Variants in ZNF831 observed in about 807,000 individuals in gnomAD.
ZNF831 encodes zinc finger protein 831, also known as chromosome 20 open reading frame 174.
In ZNF831, 59 loss-of-function variants were observed where a neutral mutation model predicts 95.8. That is an observed-to-expected ratio of 0.62 (90% CI 0.50 to 0.77). The LOEUF (loss-of-function observed/expected upper bound fraction) is 0.77. ZNF831 is among the 30% of genes least tolerant of loss of function. ZNF831 has a pLI of 0.00. For missense variants in ZNF831, 2,205 were observed against 2,164.0 expected, an observed-to-expected ratio of 1.02 and a Z score of -0.38; for synonymous variants, 961 against 925.5, an observed-to-expected ratio of 1.04 and a Z score of -0.70.
intron 2 of ZNF831, among the ~76,000 whole-genome samples, chr20:59,149,834 A>C (rs1167818364): frequency 6.6e-6 from 1 of 152,210 alleles, no homozygotes; most frequent in Non-Finnish European, 1.5e-5. Context: ...GGAATGTTCC[A>C]GCTGGCCGGT....
chr20:59,230,341 G>A (rs942856751), intron 4 of ZNF831, among the ~76,000 whole-genome samples: 6 of 152,156 alleles, frequency 3.9e-5, no homozygotes, highest in African/African-American at 1.2e-4. Flanking sequence ...GCATGGTGGC[G>A]GGTGCCTGTA....
chr20:59,228,483 T>C (rs1207466394), intron 4 of ZNF831, among the ~76,000 whole-genome samples: 2 of 151,790 alleles, frequency 1.3e-5, no homozygotes, highest in East Asian at 3.9e-4. Context: ...TACTTGTGAG[T>C]GATGCCATTC....
At position 59,192,422 on chromosome 20, in the gene ZNF831, G is replaced by A. The variant is rs1568754012; in HGVS notation, c.1403G>A (p.Gly468Asp). 6.2e-7 allele frequency: 1 copy of A among 1,610,480 alleles called. No homozygotes were observed. ...GAGCCAGGCCGTAGGAGGGCCCCGG[G>A]CCCCGTGCGCTCCACCTGGACGCCC... ...ALEPGRRRAP[G>D]PVRSTWTPPD... Residue 468 changes from glycine to aspartate, a missense_variant, in exon 2 of 6, where the codon GGC (glycine) becomes GAC (aspartate). Transcript: ENST00000371030. The surrounding 1 kb of genome is among the most constrained non-coding windows in gnomAD (Gnocchi z 5.2).
chr20:59,184,404 T>C (rs260014), intron 1 of ZNF831, among the ~76,000 whole-genome samples: 27,770 of 139,726 alleles, frequency 0.2, 3,019 homozygotes, highest in African/African-American at 0.4. Context: ...TCTTCCTCCC[T>C]CCCCCCTTTT....
At chr20:59,216,577 C>T (rs1985693463) in intron 4 of ZNF831, among the ~76,000 whole-genome samples, 1 of 152,138 alleles carries the variant, frequency 6.6e-6, no homozygotes, top group Non-Finnish European at 1.5e-5. Context: ...GCTGCCTGTG[C>T]CAGGAGGAAG....
intron 1 of ZNF831, among the ~76,000 whole-genome samples, chr20:59,126,992 C>G (rs530826279): frequency 1.6e-4 from 25 of 152,252 alleles, no homozygotes; most frequent in African/African-American, 4.8e-4. Context: ...GGTTGCTGCC[C>G]CACCCAACTG....
At chr20:59,166,761 T>C (rs1343253098) in intron 1 of ZNF831, among the ~76,000 whole-genome samples, 1 of 152,238 alleles carries the variant, frequency 6.6e-6, no homozygotes, top group African/African-American at 2.4e-5. Flanking sequence ...GTGTCAACGG[T>C]ATGCTTCTTT....
In ZNF831 at chr20:59,192,879, G is replaced by A. The variant is rs1377907844; in HGVS notation, c.1860G>A (p.Trp620Ter). 3 of 1,599,032 alleles carry A rather than the reference G, an allele frequency of 1.9e-6. No homozygotes were observed. Among genetic ancestry groups the A allele is most frequent in the South Asian group, 1.1e-5 (1 of 88,398 alleles). ...RRLKMFSQEK[W>*]QVYGDETFKR... ...TGAAGATGTTCTCCCAGGAGAAGTG[G>A]CAGGTGTACGGGGATGAGACGTTCA... The change falls in exon 2 of 6, where the codon TGG becomes TGA. Residue 620 changes from tryptophan (W) to a stop codon, truncating the protein, a stop_gained. Transcript: ENST00000371030. LOFTEE classifies it high-confidence loss of function. This position sits in a 1 kb window ranked among gnomAD's most constrained non-coding sequence, Gnocchi z 5.2.
chr20:59,126,952 C>T (rs941488769), intron 1 of ZNF831, among the ~76,000 whole-genome samples: 4 of 152,134 alleles, frequency 2.6e-5, no homozygotes, highest in Non-Finnish European at 5.9e-5. Context: ...GTTGGAATGC[C>T]GATGGGCTCC....
chr20:59,179,831 TAG>T (rs1479492632), intron 1 of ZNF831, among the ~76,000 whole-genome samples: 14 of 152,174 alleles, frequency 9.2e-5, no homozygotes, highest in Non-Finnish European at 8.8e-5. Context: ...CAATCGCAGG[TAG>T]TAGGGGCAGG....
At chr20:59,250,483 C>A (rs1987829824) in intron 4 of ZNF831, among the ~76,000 whole-genome samples, 1 of 152,194 alleles carries the variant, frequency 6.6e-6, no homozygotes, top group Non-Finnish European at 1.5e-5. Context: ...TTGTAAAGAA[C>A]ACCAAGTCAG....
At chr20:59,221,466 C>T (rs996591529) in intron 4 of ZNF831, among the ~76,000 whole-genome samples, 1 of 152,210 alleles carries the variant, frequency 6.6e-6, no homozygotes, top group African/African-American at 2.4e-5. Context: ...CACACTGGCC[C>T]TCACCCCACT....
At chr20:59,206,821 G>A (rs1490991393) in intron 3 of ZNF831, 84 bp from the exon 4 acceptor site, 6 of 1,501,656 alleles carry the variant, frequency 4.0e-6, no homozygotes, top group Non-Finnish European at 5.4e-6. Context: ...GTGTTCTCCT[G>A]GGCACCCCAC....
At chr20:59,242,689 A>T (rs1172675599) in intron 4 of ZNF831, among the ~76,000 whole-genome samples, 1 of 152,254 alleles carries the variant, frequency 6.6e-6, no homozygotes, top group Non-Finnish European at 1.5e-5. Flanking sequence ...CAAACTTTCA[A>T]AAAATTGCAC....
intron 1 of ZNF831, among the ~76,000 whole-genome samples, chr20:59,131,913 CT>C (rs1216896546): frequency 6.6e-6 from 1 of 152,210 alleles, no homozygotes; most frequent in African/African-American, 2.4e-5. Context: ...TTTCATTGTA[CT>C]TTTTTTCATT....
At chr20:59,225,747 A>G (rs145131202) in intron 4 of ZNF831, among the ~76,000 whole-genome samples, 4 of 152,330 alleles carry the variant, frequency 2.6e-5, no homozygotes, top group East Asian at 3.9e-4. Context: ...GAGTTCACCC[A>G]TCTCATTCTC....
intron 1 of ZNF831, among the ~76,000 whole-genome samples, chr20:59,124,381 C>G (rs1019075372): frequency 2.6e-5 from 4 of 152,160 alleles, no homozygotes; most frequent in Admixed American, 2.0e-4. Context: ...TCTTTTGTCC[C>G]TTGGCAACAT....
At chr20:59,253,502 T>C (rs888828826) in intron 5 of ZNF831, among the ~76,000 whole-genome samples, 1 of 152,094 alleles carries the variant, frequency 6.6e-6, no homozygotes, top group African/African-American at 2.4e-5. Flanking sequence ...AGACCACATT[T>C]GGAAAAACAC....
Position 59,208,221 on chromosome 20 carries a change from C to T in ZNF831, c.4027+1165C>T, listed in dbSNP as rs962445678. ...GAAGCTGGCTCTGAGCTCTCTTCCT[C>T]ATCTGTGGCTCTCAACCTCACCTCC... On this transcript the variant is annotated intron_variant, in intron 4 of 5. Transcript: ENST00000371030. The surrounding 1 kb of genome is among the most constrained non-coding windows in gnomAD (Gnocchi z 4.2). 2.0e-5 allele frequency among the ~76,000 whole-genome samples: 3 copies of T among 152,234 alleles called. No homozygotes were observed. The highest frequency in any genetic ancestry group is 7.2e-5 in the African/African-American group (3 of 41,456).
Sources: allele counts gnomAD v4.1 joint callset (sites outside exome capture counted in the v4.1 genomes callset), GRCh38; gene constraint gnomAD v4.1.1; non-coding constraint Gnocchi (gnomAD v3.1); transcripts MANE v1.5; gene names NCBI Gene and HGNC (gene_info 2026-07-23, HGNC 2026-07-21).